WWOX: variants seen among roughly 807,000 people sequenced by gnomAD.
The protein encoded by WWOX is WW domain-containing oxidoreductase.
In WWOX, 69 loss-of-function variants were observed where a neutral mutation model predicts 46.2. The observed-to-expected ratio is 1.49, with a 90% CI of 1.23 to 1.82. WWOX has a LOEUF of 1.82. WWOX is among the 40% of genes most tolerant of loss of function. The probability of loss-of-function intolerance (pLI) is 0.00; values close to 1 mark genes in which losing one functional copy is unlikely to be tolerated. For synonymous variants in WWOX, 359 were observed against 202.6 expected (o/e 1.77, Z -6.56); for missense variants, 919 against 542.6 (o/e 1.69, Z -6.89).
chr16:78,909,471 C>T (rs934887926), intron 8 of WWOX, among the ~76,000 whole-genome samples: 1 of 152,186 alleles, frequency 6.6e-6, no homozygotes, highest in African/African-American at 2.4e-5. Context: ...AAAACAGGAG[C>T]TGTATTTCAT....
At position 78,743,350 on chromosome 16, in the gene WWOX, C is replaced by A. The variant is rs184474827; in HGVS notation, c.1056+310598C>A. On this transcript the variant is annotated intron_variant, in intron 8 of 8. Transcript: ENST00000566780. ...GTGTTTGCTGTCATTTGTTTCTTAA[C>A]TCATTGATTCTCAAACAGAATCTTC... is the stretch of plus-strand genomic sequence containing the variant. 7.3e-4 allele frequency among the ~76,000 whole-genome samples: 111 copies of A among 152,194 alleles called. 1 individual carries two copies. Among genetic ancestry groups the A allele is most frequent in the Middle Eastern group, 6.8e-3 (2 of 294 alleles).
intron 8 of WWOX, among the ~76,000 whole-genome samples, chr16:78,598,137 A>C (rs1461225684): frequency 6.6e-6 from 1 of 152,176 alleles, no homozygotes; most frequent in African/African-American, 2.4e-5. Flanking sequence ...GATTTTCTAC[A>C]AGCTGAGGGA....
intron 8 of WWOX, among the ~76,000 whole-genome samples, chr16:78,711,252 A>T (rs193024470): frequency 1.7e-4 from 26 of 152,326 alleles, no homozygotes; most frequent in Admixed American, 1.6e-3. Context: ...GTTCAAAGTG[A>T]TGTGGATGTA....
intron 8 of WWOX, among the ~76,000 whole-genome samples, chr16:78,620,758 G>A (rs2046160918): frequency 6.6e-6 from 1 of 152,026 alleles, no homozygotes; most frequent in Non-Finnish European, 1.5e-5. Flanking sequence ...ATAATCTTTA[G>A]TGAGCTCTGC....
At chr16:79,096,651 G>A (rs1335055772) in intron 8 of WWOX, among the ~76,000 whole-genome samples, 1 of 152,078 alleles carries the variant, frequency 6.6e-6, no homozygotes, top group African/African-American at 2.4e-5. Context: ...TATTATCATT[G>A]CCATCAATCC....
In WWOX at chr16:78,971,188, C is replaced by T. The variant is rs764129705; in HGVS notation, c.1057-240420C>T. On this transcript the variant is annotated intron_variant, in intron 8 of 8. Coordinates refer to ENST00000566780, the MANE Select transcript of WWOX (RefSeq NM_016373.4). ...GAGATAGACTTTTTAGGGCCGGGCA[C>T]GGTGGCCTACACCTGTAATCCCAGC... 8.6e-5 allele frequency among the ~76,000 whole-genome samples: 13 copies of T among 151,930 alleles called. No homozygotes were observed. In the South Asian group the frequency reaches 1.2e-3, roughly 15 times the overall value.
At chr16:79,154,855 C>A (rs138726282) in intron 8 of WWOX, among the ~76,000 whole-genome samples, 2 of 152,112 alleles carry the variant, frequency 1.3e-5, no homozygotes, top group African/African-American at 4.8e-5. Context: ...AAACTTGATC[C>A]AAGGTTTAGG....
intron 5 of WWOX, among the ~76,000 whole-genome samples, chr16:78,284,268 C>G (rs56179313): frequency 0.16 from 24,424 of 152,080 alleles, 3,152 homozygotes; most frequent in African/African-American, 0.34. Context: ...GTGGTTTCTT[C>G]AAAACAGTGG....
chr16:78,798,657 A>G (rs1420992312), intron 8 of WWOX, among the ~76,000 whole-genome samples: 1 of 149,898 alleles, frequency 6.7e-6, no homozygotes, highest in Non-Finnish European at 1.5e-5. Flanking sequence ...AAACATATAT[A>G]TTTTTAATTT....
chr16:79,011,791 C>T (rs1244914258), intron 8 of WWOX, among the ~76,000 whole-genome samples: 1 of 151,952 alleles, frequency 6.6e-6, no homozygotes, highest in Non-Finnish European at 1.5e-5. Flanking sequence ...CCATGCCCGG[C>T]CCCCTTTTTT....
At chr16:78,922,933 A>G (rs2045412097) in intron 8 of WWOX, among the ~76,000 whole-genome samples, 1 of 151,720 alleles carries the variant, frequency 6.6e-6, no homozygotes, top group South Asian at 2.1e-4. Flanking sequence ...GAAATCTAAC[A>G]TCTTTAGATA....
At chr16:78,876,590 G>A (rs577392545) in intron 8 of WWOX, among the ~76,000 whole-genome samples, 5 of 151,190 alleles carry the variant, frequency 3.3e-5, no homozygotes, top group Admixed American at 6.6e-5. Flanking sequence ...TAATGCTTTC[G>A]ACTTATTTTG....
intron 8 of WWOX, among the ~76,000 whole-genome samples, chr16:78,880,202 T>C (rs769207037): frequency 3.9e-5 from 6 of 152,210 alleles, no homozygotes; most frequent in Non-Finnish European, 7.3e-5. Flanking sequence ...AACGAAGATA[T>C]CTTTGCTGTA....
At chr16:79,013,430 AT>A (rs1223238404) in intron 8 of WWOX, among the ~76,000 whole-genome samples, 4 of 151,958 alleles carry the variant, frequency 2.6e-5, no homozygotes, top group Non-Finnish European at 5.9e-5. Flanking sequence ...CCCTGGAGTT[AT>A]TTTTTTCCCT....
At chr16:79,045,911 C>G (rs1337752592) in intron 8 of WWOX, among the ~76,000 whole-genome samples, 1 of 146,316 alleles carries the variant, frequency 6.8e-6, no homozygotes, top group African/African-American at 2.5e-5. Flanking sequence ...AAGTGATTCT[C>G]CTGCCTCAGC....
At chr16:79,067,677 G>T (rs1202358603) in intron 8 of WWOX, among the ~76,000 whole-genome samples, 1 of 151,914 alleles carries the variant, frequency 6.6e-6, no homozygotes, top group Non-Finnish European at 1.5e-5. Flanking sequence ...TTATGCTTTT[G>T]TGCATTTCAG....
chr16:78,691,133 T>G (rs2047977773), intron 8 of WWOX: 5 of 654,950 alleles, frequency 7.6e-6, no homozygotes, highest in Admixed American at 4.8e-5. Flanking sequence ...GCTTTAGAAG[T>G]TCATAAAAGC....
intron 8 of WWOX, among the ~76,000 whole-genome samples, chr16:78,893,357 C>G (rs1251018005): frequency 6.6e-6 from 1 of 152,116 alleles, no homozygotes; most frequent in South Asian, 2.1e-4. Context: ...TGGTTTGAAT[C>G]CAAGAGGCTG....
intron 5 of WWOX, among the ~76,000 whole-genome samples, chr16:78,188,441 T>TTGTGCCC (rs1355711265): frequency 6.7e-6 from 1 of 150,284 alleles, no homozygotes; most frequent in Non-Finnish European, 1.5e-5. Context: ...TGAGCTGGGA[T>TTGTGCCC]TGTGCCACTG....
Sources: gnomAD v4.1 joint callset for allele counts (sites outside exome capture counted in the v4.1 genomes callset) on GRCh38, gnomAD v4.1.1 for gene constraint, MANE v1.5 for transcripts, NCBI Gene and HGNC (gene_info 2026-07-23, HGNC 2026-07-21) for gene names.